The following SYT6 variants were observed in gnomAD, a reference collection of about 807,000 sequenced individuals.
SYT6 encodes the protein synaptotagmin-6.
In SYT6, 24 loss-of-function variants were observed where a neutral mutation model predicts 38.4. That is an observed-to-expected ratio of 0.62 (90% CI 0.45 to 0.88). SYT6 has a LOEUF of 0.88. Among genes scored for constraint, SYT6 ranks in the 40% least tolerant of loss-of-function variants. SYT6 has a pLI of 0.00. For missense variants in SYT6, 611 were observed against 621.0 expected (o/e 0.98, Z 0.17); for synonymous variants, 265 against 241.9 (o/e 1.10, Z -0.89).
At chr1:114,143,684 C>A (rs1678998772) in intron 1 of SYT6, among the ~76,000 whole-genome samples, 1 of 151,972 alleles carries the variant, frequency 6.6e-6, no homozygotes, top group Non-Finnish European at 1.5e-5. Flanking sequence ...TACAATATCT[C>A]CAAGGTATTT....
At chr1:114,125,311 T>C (rs7546240) in intron 3 of SYT6, among the ~76,000 whole-genome samples, 40,062 of 152,068 alleles carry the variant, frequency 0.26, 5,438 homozygotes, top group African/African-American at 0.29. Flanking sequence ...TGGCCAGACA[T>C]GGATGAACAT....
intron 3 of SYT6, among the ~76,000 whole-genome samples, chr1:114,112,227 A>T (rs944647597): frequency 6.6e-6 from 1 of 152,112 alleles, no homozygotes; most frequent in African/African-American, 2.4e-5. Context: ...CCCCATGGAG[A>T]AGCGGGCACC....
At position 114,139,689 on chromosome 1, in the gene SYT6, C is replaced by T. The variant is rs1333563309; in HGVS notation, c.438G>A (p.Gln146=). 6.2e-7 allele frequency: 1 copy of T among 1,614,204 alleles called. No homozygotes were observed. The highest frequency in any genetic ancestry group is 8.5e-7 in the Non-Finnish European group (1 of 1,180,040). The part of the protein sequence containing the change: ...HTSPDIPAEV[Q]MSVKEHIMRH... ...GCATGATGTGCTCCTTGACCGACAT[C>T]TGCACCTCAGCTGGGATATCTGGGG... The change falls in exon 2 of 8, where the codon CAG becomes CAA. Residue 146 remains glutamine (Q), a synonymous_variant. Coordinates refer to ENST00000610222, the MANE Select transcript of SYT6 (RefSeq NM_001253772.2).
At chr1:114,118,341 C>T (rs1027398799) in intron 3 of SYT6, among the ~76,000 whole-genome samples, 4 of 152,220 alleles carry the variant, frequency 2.6e-5, no homozygotes, top group Non-Finnish European at 5.9e-5. Flanking sequence ...ATAGTTATTT[C>T]CTCCCTTCCA....
intron 1 of SYT6, among the ~76,000 whole-genome samples, chr1:114,141,343 G>A (rs1012146446): frequency 2.9e-4 from 44 of 152,170 alleles, no homozygotes; most frequent in Non-Finnish European, 5.7e-4. Flanking sequence ...TGTGAAGAGA[G>A]CTTTAGTGGT....
rs1000973978 is a variant in SYT6, at chr1:114,120,080, A to G, written c.1072-16359T>C. 4.6e-5 allele frequency among the ~76,000 whole-genome samples: 7 copies of G among 151,930 alleles called. No individual in the cohort carries two copies. In the East Asian group the frequency reaches 1.2e-3, roughly 25 times the overall value. Reference sequence around the variant, plus strand: ...AGAGAGACTCTGTCTCAAAAAAAAAAAAAAAAATCTCTTTTAAAGATTCTC... The same window carrying G: ...AGAGAGACTCTGTCTCAAAAAAAAAGAAAAAAATCTCTTTTAAAGATTCTC... On this transcript the variant is annotated intron_variant, in intron 3 of 7. Coordinates refer to ENST00000610222, the MANE Select transcript of SYT6 (RefSeq NM_001253772.2).
intron 3 of SYT6, among the ~76,000 whole-genome samples, chr1:114,104,645 AG>A (rs1465938644): frequency 6.6e-6 from 1 of 150,798 alleles, no homozygotes; most frequent in Non-Finnish European, 1.5e-5. Flanking sequence ...GTCAGCGTTT[AG>A]GGTGATTTCA....
At chr1:114,121,094 C>G (rs1333984367) in intron 3 of SYT6, among the ~76,000 whole-genome samples, 4 of 152,194 alleles carry the variant, frequency 2.6e-5, no homozygotes, top group Non-Finnish European at 5.9e-5. Flanking sequence ...GTTGGCAGTC[C>G]CTGTGAGGTT....
At chr1:114,114,687 G>A (rs1330272806) in intron 3 of SYT6, among the ~76,000 whole-genome samples, 2 of 152,232 alleles carry the variant, frequency 1.3e-5, no homozygotes, top group Non-Finnish European at 2.9e-5. Flanking sequence ...AGGCTTCCCA[G>A]ATGAGTGTTA....
rs74112946 is a variant in SYT6 at position 114,129,126 on chromosome 1, G to C, written c.1071+8369C>G. On this transcript the variant is annotated intron_variant, in intron 3 of 7. Coordinates refer to ENST00000610222, the MANE Select transcript of SYT6 (RefSeq NM_001253772.2). Reference sequence around the variant, plus strand: ...CCCAACTCAGCATCCCAAGTTGCTCGGACTGAAAATCTTGATTCTTCTCTT... The same window carrying C: ...CCCAACTCAGCATCCCAAGTTGCTCCGACTGAAAATCTTGATTCTTCTCTT... Among the ~76,000 whole-genome samples, 8 of 152,202 alleles carry C rather than the reference G, an allele frequency of 5.3e-5. No homozygotes were observed. In the South Asian group the frequency reaches 6.2e-4, roughly 12 times the overall value.
rs61730008 is a variant in SYT6, at chr1:114,137,783, A to G, written c.783T>C (p.Phe261=). ...TGACATAAGGGTCAGAGCTTCCACA[A>G]AAGTCCTTGGCAGGGAGGTCAAAAG... ...LKAFDLPAKD[F]CGSSDPYVKI... is the part of the protein sequence containing the mutation. Residue 261 remains phenylalanine, a synonymous_variant, in exon 3 of 8, where the codon TTT becomes TTC. Coordinates refer to ENST00000610222, the MANE Select transcript of SYT6 (RefSeq NM_001253772.2). 1,384 of 1,614,120 alleles carry G rather than the reference A, an allele frequency of 8.6e-4. 13 individuals are homozygous for G. In the African/African-American group the frequency reaches 0.016, roughly 19 times the overall value.
chr1:114,142,644 T>C (rs1334928156), intron 1 of SYT6, among the ~76,000 whole-genome samples: 8 of 152,156 alleles, frequency 5.3e-5, no homozygotes, highest in Admixed American at 5.2e-4. Flanking sequence ...GCTACAGAGA[T>C]ATCTTTAGTG....
At chr1:114,097,568 C>T (rs1334221490) in intron 6 of SYT6, among the ~76,000 whole-genome samples, 159 bp downstream of exon 6, 2 of 152,226 alleles carry the variant, frequency 1.3e-5, no homozygotes, top group Non-Finnish European at 2.9e-5. Flanking sequence ...CACCTTCTTC[C>T]TCCATTTCCT....
chr1:114,097,059 G>A (rs1266270156), intron 6 of SYT6, among the ~76,000 whole-genome samples: 1 of 152,204 alleles, frequency 6.6e-6, no homozygotes, highest in Non-Finnish European at 1.5e-5. Context: ...AGTTGAGGGA[G>A]AAGTGACAGG....
intron 1 of SYT6, among the ~76,000 whole-genome samples, chr1:114,143,202 ATATTT>A (rs1557768720): frequency 1.4e-5 from 2 of 145,020 alleles, no homozygotes; most frequent in African/African-American, 5.3e-5. Flanking sequence ...TATACTATAT[ATATTT>A]TATTTAATTC....
chr1:114,126,488 A>T (rs960921736), intron 3 of SYT6, among the ~76,000 whole-genome samples: 5 of 151,974 alleles, frequency 3.3e-5, no homozygotes, highest in African/African-American at 9.7e-5. Context: ...CCCAGAGGGG[A>T]TGTTTGGCTG....
intron 3 of SYT6, among the ~76,000 whole-genome samples, chr1:114,135,122 G>GT: frequency 6.6e-6 from 1 of 152,196 alleles, no homozygotes; most frequent in South Asian, 2.1e-4. Context: ...CAGACAGACG[G>GT]TAAGACAGGC....
At chr1:114,117,565 T>C (rs987269711) in intron 3 of SYT6, among the ~76,000 whole-genome samples, 1 of 152,198 alleles carries the variant, frequency 6.6e-6, no homozygotes, top group African/African-American at 2.4e-5. Context: ...AGCTCCTGCC[T>C]GCAGGGCCCC....
intron 1 of SYT6, among the ~76,000 whole-genome samples, chr1:114,145,207 G>A (rs977706331): frequency 1.3e-5 from 2 of 152,126 alleles, no homozygotes; most frequent in African/African-American, 4.8e-5. Flanking sequence ...CAGGTTGATA[G>A]GAATAATAGC....
Sources: allele counts gnomAD v4.1 joint callset (sites outside exome capture counted in the v4.1 genomes callset), GRCh38; gene constraint gnomAD v4.1.1; transcripts MANE v1.5; gene names NCBI Gene and HGNC (gene_info 2026-07-23, HGNC 2026-07-21).